The following TENM3 variants were observed in gnomAD, a reference collection of about 807,000 sequenced individuals.
The protein encoded by TENM3 is teneurin-3.
TENM3 carries 63 observed loss-of-function variants against 255.1 expected under a neutral mutation model. The observed-to-expected ratio is 0.25, with a 90% CI of 0.20 to 0.30. TENM3 has a LOEUF of 0.30. Among genes scored for constraint, TENM3 ranks in the 10% least tolerant of loss-of-function variants. TENM3 has a pLI of 1.00. For synonymous variants in TENM3, 1,306 were observed against 1,322.3 expected (o/e 0.99, Z 0.27); for missense variants, 2,929 against 3,461.1 (o/e 0.85, Z 3.86).
the TENM3 span, among the ~76,000 whole-genome samples, chr4:181,984,377 C>T: frequency 2.0e-5 from 3 of 152,090 alleles, no homozygotes; most frequent in Non-Finnish European, 2.9e-5. Context: ...CCTATGACAG[C>T]GCTGTAAAAT....
At chr4:181,849,949 T>TCTCTCTCACACACACACACACACACA in the TENM3 span, among the ~76,000 whole-genome samples, 228 of 65,936 alleles carry the variant, frequency 3.5e-3, 1 homozygote, top group Non-Finnish European at 5.5e-3. Context: ...TCTCTCTCTC[T>TCTCTCTCACACACACACACACACACA]CACACACACA....
chr4:182,407,798 T>A (rs1769687046), intron 3 of TENM3, among the ~76,000 whole-genome samples: 1 of 152,242 alleles, frequency 6.6e-6, no homozygotes, highest in South Asian at 2.1e-4. Context: ...TTTTCCATAA[T>A]ATCTTTGCTT....
chr4:182,224,737 C>CTTT (rs112818920), intron 1 of TENM3, among the ~76,000 whole-genome samples: 1 of 137,490 alleles, frequency 7.3e-6, no homozygotes, highest in Non-Finnish European at 1.6e-5. Context: ...AGTCAGATAT[C>CTTT]TTTTTTTTTT....
chr4:182,680,812 G>C (rs1156955778), intron 10 of TENM3, 75 bp downstream of exon 10: 9 of 1,197,698 alleles, frequency 7.5e-6, no homozygotes, highest in Non-Finnish European at 9.0e-6. Context: ...ATCTTTAGTT[G>C]GGCAGATCTC....
At chr4:182,618,800 T>C (rs899800432) in intron 4 of TENM3, among the ~76,000 whole-genome samples, 3 of 152,156 alleles carry the variant, frequency 2.0e-5, no homozygotes, top group South Asian at 2.1e-4. Context: ...TATTTTTGCC[T>C]CTTCTTTGCA....
At chr4:182,308,080 A>G (rs1293811151) in intron 1 of TENM3, among the ~76,000 whole-genome samples, 1 of 152,226 alleles carries the variant, frequency 6.6e-6, no homozygotes, top group Non-Finnish European at 1.5e-5. Context: ...AACTACCACT[A>G]GTAACAGCAT....
chr4:181,832,563 C>A, the TENM3 span, among the ~76,000 whole-genome samples: 1 of 152,190 alleles, frequency 6.6e-6, no homozygotes, highest in Non-Finnish European at 1.5e-5. Context: ...GGCTAAATAT[C>A]TATGACACAT....
At chr4:182,277,311 T>C (rs1193051351) in intron 1 of TENM3, among the ~76,000 whole-genome samples, 1 of 151,646 alleles carries the variant, frequency 6.6e-6, no homozygotes, top group Non-Finnish European at 1.5e-5. Flanking sequence ...AGAGAAACCT[T>C]ATGTTAGGCA....
the TENM3 span, among the ~76,000 whole-genome samples, chr4:181,935,255 G>C: frequency 6.6e-6 from 1 of 152,326 alleles, no homozygotes; most frequent in African/African-American, 2.4e-5. Flanking sequence ...AAAGAAGTCT[G>C]TAGAATTATT....
chr4:182,548,741 C>T (rs1252702014), intron 3 of TENM3: 3 of 152,086 alleles, frequency 2.0e-5, no homozygotes, highest in Non-Finnish European at 4.4e-5. Flanking sequence ...GTGTTTCCTA[C>T]TGAGTGCAAA....
intron 3 of TENM3, among the ~76,000 whole-genome samples, chr4:182,519,370 A>G (rs1738326261): frequency 1.3e-5 from 2 of 152,180 alleles, no homozygotes; most frequent in South Asian, 2.1e-4. Context: ...AGAATTTGAA[A>G]AACAAGAAAG....
At chr4:182,620,010 T>C (rs10004672) in intron 4 of TENM3, among the ~76,000 whole-genome samples, 109,781 of 152,148 alleles carry the variant, frequency 0.72, 39,904 homozygotes, top group East Asian at 0.87. Context: ...TAAAGAAAAT[T>C]TCTGCCTTTA....
the TENM3 span, among the ~76,000 whole-genome samples, chr4:181,983,338 C>T: frequency 1.3e-5 from 2 of 152,128 alleles, no homozygotes; most frequent in Non-Finnish European, 2.9e-5. Context: ...AGCGAGAACA[C>T]ATAGAATTCC....
chr4:181,690,930 T>C, the TENM3 span, among the ~76,000 whole-genome samples: 1 of 54,266 alleles, frequency 1.8e-5, no homozygotes, highest in Non-Finnish European at 7.9e-5. Context: ...AACAAGCAAA[T>C]ACCTTTTTAA....
At chr4:181,908,760 AAGAT>A in the TENM3 span, among the ~76,000 whole-genome samples, 71 of 152,144 alleles carry the variant, frequency 4.7e-4, no homozygotes, top group Non-Finnish European at 7.8e-4. Flanking sequence ...TTTGGAGTAA[AAGAT>A]AGTGTTACAC....
At chr4:182,349,871 A>G (rs1420225113) in intron 3 of TENM3, 5 of 368,682 alleles carry the variant, frequency 1.4e-5, no homozygotes, top group Admixed American at 3.5e-5. Context: ...GTTCTATTGT[A>G]TCACTAAAGG....
chr4:182,221,872 A>G (rs1755869784), intron 1 of TENM3, among the ~76,000 whole-genome samples: 1 of 152,244 alleles, frequency 6.6e-6, no homozygotes, highest in Non-Finnish European at 1.5e-5. Context: ...TTGCATTTTA[A>G]GCAAGATCCT....
the TENM3 span, among the ~76,000 whole-genome samples, chr4:181,461,291 T>C: frequency 6.6e-6 from 1 of 152,134 alleles, no homozygotes; most frequent in Non-Finnish European, 1.5e-5. Flanking sequence ...TTTTCCTCTG[T>C]CTGCTTTTAA....
At position 182,792,935 on chromosome 4, in the gene TENM3, A is replaced by C. The variant is rs1375145093; in HGVS notation, c.6263A>C (p.Lys2088Thr). ...CACTTTGATGCTCATGGCCGTATCA[A>C]GGAGATTCAATATGAGATATTCAGG... ...TKHFDAHGRI[K>T]EIQYEIFRSL... The change falls in exon 26 of 28, where the codon AAG (lysine) becomes ACG (threonine). Residue 2088 changes from lysine (K) to threonine (T), a missense_variant. This residue lies in a region of TENM3 where 256 missense variants were observed against 389.3 expected (regional missense o/e 0.66). Transcript: ENST00000511685. The surrounding 1 kb of genome is among the most constrained non-coding windows in gnomAD (Gnocchi z 6.3). 1 of 1,613,808 alleles carries C rather than the reference A, an allele frequency of 6.2e-7. No homozygotes were observed. Among genetic ancestry groups the C allele is most frequent in the African/African-American group, 1.3e-5 (1 of 74,924 alleles).
Sources: gnomAD v4.1 joint callset for allele counts (sites outside exome capture counted in the v4.1 genomes callset) on GRCh38, gnomAD v4.1.1 for gene constraint, gnomAD v4.1.1 regional missense constraint, Gnocchi (gnomAD v3.1) non-coding constraint, MANE v1.5 for transcripts, NCBI Gene and HGNC (gene_info 2026-07-23, HGNC 2026-07-21) for gene names.